Variants in MPP7 observed in about 807,000 individuals in gnomAD.
MPP7 encodes MAGUK p55 subfamily member 7.
Under a neutral mutation model 76.5 loss-of-function variants are expected in MPP7, and 60 were observed. The observed-to-expected ratio is 0.78, with a 90% CI of 0.64 to 0.97. MPP7 has a LOEUF of 0.97. Among genes scored for constraint, MPP7 ranks in the 50% least tolerant of loss-of-function variants. MPP7 has a pLI of 0.00. For missense variants in MPP7, 641 were observed against 694.0 expected, an observed-to-expected ratio of 0.92 and a Z score of 0.86; for synonymous variants, 237 against 244.5, an observed-to-expected ratio of 0.97 and a Z score of 0.29.
At chr10:28,138,168 T>C (rs551652219) in intron 5 of MPP7, among the ~76,000 whole-genome samples, 2 of 152,342 alleles carry the variant, frequency 1.3e-5, no homozygotes, top group South Asian at 2.1e-4. Flanking sequence ...TGCCATATTC[T>C]AGAGATGATG....
intron 11 of MPP7, among the ~76,000 whole-genome samples, chr10:28,092,211 C>T (rs1441800506): frequency 6.6e-6 from 1 of 152,058 alleles, no homozygotes; most frequent in Non-Finnish European, 1.5e-5. Context: ...TTTCTGTGGC[C>T]CTCTAAGAGT....
At chr10:28,276,989 T>C (rs1214250479) in intron 1 of MPP7, among the ~76,000 whole-genome samples, 1 of 151,926 alleles carries the variant, frequency 6.6e-6, no homozygotes, top group Non-Finnish European at 1.5e-5. Flanking sequence ...GCCCAGGAGT[T>C]TGAGACCAGC....
At chr10:28,232,027 G>T (rs1294578604) in intron 2 of MPP7, among the ~76,000 whole-genome samples, 1 of 152,076 alleles carries the variant, frequency 6.6e-6, no homozygotes, top group Non-Finnish European at 1.5e-5. Flanking sequence ...ACCAAATTGG[G>T]TTTATCCCTA....
At chr10:28,240,096 C>T (rs537271863) in intron 1 of MPP7, among the ~76,000 whole-genome samples, 14 of 152,198 alleles carry the variant, frequency 9.2e-5, no homozygotes, top group Non-Finnish European at 7.4e-5. Flanking sequence ...AGAGAAAGTA[C>T]TCCATTTACA....
intron 13 of MPP7, among the ~76,000 whole-genome samples, chr10:28,065,299 T>C (rs1264840037): frequency 6.6e-6 from 1 of 152,182 alleles, no homozygotes; most frequent in Non-Finnish European, 1.5e-5. Flanking sequence ...AAGGGGTAAT[T>C]GAACAAGACA....
intron 3 of MPP7, among the ~76,000 whole-genome samples, chr10:28,173,104 C>G (rs1234376941): frequency 6.6e-6 from 1 of 151,802 alleles, no homozygotes; most frequent in Non-Finnish European, 1.5e-5. Flanking sequence ...GCAAAACATG[C>G]TTTCCAAAAG....
chr10:28,270,423 C>A (rs1054685839), intron 1 of MPP7, among the ~76,000 whole-genome samples: 1 of 151,494 alleles, frequency 6.6e-6, no homozygotes, highest in Non-Finnish European at 1.5e-5. Context: ...CAGTGGCACC[C>A]ACCTGTAGTC....
At chr10:28,120,499 T>C in intron 9 of MPP7, 95 bp downstream of exon 9, 2 of 1,492,160 alleles carry the variant, frequency 1.3e-6, no homozygotes, top group Non-Finnish European at 1.9e-6. Context: ...ACTGGAATAT[T>C]GAAAGAAATG....
intron 1 of MPP7, among the ~76,000 whole-genome samples, chr10:28,292,451 G>GAAA (rs59001457): frequency 7.0e-6 from 1 of 142,660 alleles, no homozygotes; most frequent in Non-Finnish European, 1.6e-5. Flanking sequence ...GATCATTACG[G>GAAA]AAAAAAAAAA....
At chr10:28,071,060 G>A (rs1042713658) in intron 12 of MPP7, among the ~76,000 whole-genome samples, 1 of 152,186 alleles carries the variant, frequency 6.6e-6, no homozygotes, top group African/African-American at 2.4e-5. Context: ...AAAGCCAGGG[G>A]CGTAATTAGA....
chr10:28,100,922 T>G (rs1853795067), intron 11 of MPP7, among the ~76,000 whole-genome samples: 1 of 152,148 alleles, frequency 6.6e-6, no homozygotes, highest in African/African-American at 2.4e-5. Flanking sequence ...ATATGAGAAT[T>G]TAATTTTTTG....
chr10:28,056,420 A>G (rs1851557959), intron 16 of MPP7, 60 bp downstream of exon 16: 2 of 1,537,488 alleles, frequency 1.3e-6, no homozygotes, highest in East Asian at 2.4e-5. Flanking sequence ...CGGCCTCCCA[A>G]AGTGCTGGGA....
At chr10:28,110,238 C>T (rs1834465817) in intron 11 of MPP7, among the ~76,000 whole-genome samples, 5 of 152,134 alleles carry the variant, frequency 3.3e-5, no homozygotes, top group East Asian at 3.9e-4. Flanking sequence ...TATAGGCACG[C>T]ACCACCACAC....
chr10:28,192,086 TAA>T (rs35373968), intron 3 of MPP7, among the ~76,000 whole-genome samples: 2 of 145,432 alleles, frequency 1.4e-5, no homozygotes. Flanking sequence ...ACTCTGCCTT[TAA>T]AAAAAAAAAA....
chr10:28,309,042 T>C (rs967679779), intron 2 of MPP7, among the ~76,000 whole-genome samples: 5 of 152,140 alleles, frequency 3.3e-5, no homozygotes, highest in Non-Finnish European at 7.3e-5. Flanking sequence ...AAGGAAGCAG[T>C]CTTTATTTCC....
At chr10:28,221,564 C>T (rs989569651) in intron 2 of MPP7, among the ~76,000 whole-genome samples, 1 of 152,136 alleles carries the variant, frequency 6.6e-6, no homozygotes, top group Non-Finnish European at 1.5e-5. Flanking sequence ...TAAACTAGAT[C>T]CCCACGTAAT....
chr10:28,304,201 C>T (rs557751072), upstream of MPP7, among the ~76,000 whole-genome samples: 5 of 152,278 alleles, frequency 3.3e-5, no homozygotes, highest in Admixed American at 2.6e-4. Flanking sequence ...AACACATCCC[C>T]CAGAACTGGT....
At position 28,228,714 on chromosome 10, in the gene MPP7, T is replaced by C. The variant is rs146574453; in HGVS notation, c.37+9854A>G. Among the ~76,000 whole-genome samples the C allele has an allele frequency of 4.4e-3, 671 of 151,694 alleles. 9 individuals are homozygous for C. The highest frequency in any genetic ancestry group is 0.015 in the African/African-American group (631 of 41,320). ...AAGCAGAGGTTGCAGTGAGCTGAGA[T>C]CACACCACTGCACTCCAGCCTGGGT... On this transcript the variant is annotated intron_variant, in intron 2 of 16. Coordinates refer to ENST00000683449, the MANE Select transcript of MPP7 (RefSeq NM_001318170.2).
intron 3 of MPP7, among the ~76,000 whole-genome samples, chr10:28,159,386 A>C (rs368755457): frequency 3.3e-5 from 5 of 152,368 alleles, no homozygotes; most frequent in East Asian, 1.9e-4. Context: ...ATTTTTAAAA[A>C]TTTATTCACT....
Sources: allele counts gnomAD v4.1 joint callset (sites outside exome capture counted in the v4.1 genomes callset), GRCh38; gene constraint gnomAD v4.1.1; transcripts MANE v1.5; gene names NCBI Gene and HGNC (gene_info 2026-07-23, HGNC 2026-07-21).